Variants in DIPK1B observed in about 807,000 individuals in gnomAD.
DIPK1B encodes divergent protein kinase domain 1B, also known as family with sequence similarity 69 member B.
In DIPK1B, 17 loss-of-function variants were observed where a neutral mutation model predicts 20.7. The observed-to-expected ratio is 0.82, with a 90% CI of 0.56 to 1.23. DIPK1B has a LOEUF of 1.23. Among genes scored for constraint, DIPK1B ranks in the 50% most tolerant of loss-of-function variants. DIPK1B has a pLI of 0.00. For synonymous variants in DIPK1B, 343 were observed against 276.5 expected (o/e 1.24, Z -2.39); for missense variants, 648 against 601.8 (o/e 1.08, Z -0.80).
chr9:136,719,855 G>C (rs986633697), intron 2 of DIPK1B, among the ~76,000 whole-genome samples: 1 of 152,042 alleles, frequency 6.6e-6, no homozygotes, highest in South Asian at 2.1e-4. Context: ...GGGGCTCCGG[G>C]CACAGGGGCT....
intron 4 of DIPK1B, chr9:136,722,713 C>A: frequency 1.7e-6 from 1 of 593,220 alleles, no homozygotes; most frequent in Non-Finnish European, 3.0e-6. Flanking sequence ...CCCCGAGCTC[C>A]CCAGGTGCAC....
rs1172651042 is a variant in DIPK1B at position 136,721,956 on chromosome 9, C to CAGATCATCACACAG, written c.234_235insAGATCATCACACAG (p.Val79ArgfsTer40). The CAGATCATCACACAG allele has an allele frequency of 6.2e-7, 1 of 1,613,444 alleles. No homozygotes were observed. The highest frequency in any genetic ancestry group is 1.3e-5 in the African/African-American group (1 of 74,870). On this transcript the variant is annotated frameshift_variant, in exon 3 of 5. Coordinates refer to ENST00000371692, the MANE Select transcript of DIPK1B (RefSeq NM_152421.4). LOFTEE classifies it high-confidence loss of function. ...ACCGCAAGGGGATCATCTCGGGCTC[C>CAGATCATCACACAG]GTCTGCCAGGACCTGTGTGAGCTGC...
At chr9:136,719,072 C>T (rs2131043515) in intron 2 of DIPK1B, among the ~76,000 whole-genome samples, 1 of 151,262 alleles carries the variant, frequency 6.6e-6, no homozygotes, top group East Asian at 2.0e-4. Context: ...AGGCTGTGCC[C>T]CGATCAGATG....
chr9:136,717,558 G>A lies in DIPK1B; in HGVS notation c.64-19G>A, dbSNP rs372648021. On this transcript the variant is annotated intron_variant, in intron 1 of 4. Transcript: ENST00000371692. The stretch of plus-strand genomic sequence containing the variant: ...GGGTGCCCCGAGGGCACCTCCTCAC[G>A]CAGCCCCTTCCCCCACAGGGCCGGC... The A allele has an allele frequency of 2.3e-5, 36 of 1,594,948 alleles. No individual in the cohort carries two copies. The highest frequency in any genetic ancestry group is 6.7e-5 in the African/African-American group (5 of 74,852).
rs1441973447 is a variant in DIPK1B at position 136,721,987 on chromosome 9, G to C, written c.265G>C (p.Val89Leu). The C allele has an allele frequency of 2.5e-6, 4 of 1,613,648 alleles. No individual in the cohort carries two copies. The highest frequency in any genetic ancestry group is 1.7e-4 in the Middle Eastern group (1 of 6,038). ...CCAGGACCTGTGTGAGCTGCATATG[G>C]TGGAGTGGAGGACCTGCCTCTCGGT... ...VCQDLCELHM[V>L]EWRTCLSVAP... The change falls in exon 3 of 5, where the codon GTG becomes CTG. Residue 89 changes from valine to leucine, a missense_variant. Val to Leu is a conservative substitution (Grantham distance 32, BLOSUM62 1). Transcript: ENST00000371692.
chr9:136,719,664 C>T (rs1265165220), intron 2 of DIPK1B, among the ~76,000 whole-genome samples: 10 of 152,244 alleles, frequency 6.6e-5, no homozygotes, highest in Non-Finnish European at 1.5e-4. Flanking sequence ...CTGAGGAAGC[C>T]TCTCCACACT....
chr9:136,723,543 G>A lies in DIPK1B; in HGVS notation c.1065G>A (p.Arg355=), dbSNP rs1212591120. ...GGGCCCCGTGTGACAGGCTCATGAGGCAGTGCAAGGGCGACCTCATCCAGC... is the reference window on the plus strand; with the variant it reads ...GGGCCCCGTGTGACAGGCTCATGAGACAGTGCAAGGGCGACCTCATCCAGC... ...DCRAPCDRLM[R]QCKGDLIQPN... Residue 355 remains arginine (R), a synonymous_variant, in exon 5 of 5, where the codon AGG becomes AGA. Coordinates refer to ENST00000371692, the MANE Select transcript of DIPK1B (RefSeq NM_152421.4). 1 of 1,599,292 alleles carries A rather than the reference G, an allele frequency of 6.3e-7. No homozygotes were observed. The highest frequency in any genetic ancestry group is 1.7e-5 in the Admixed American group (1 of 57,758).
rs893780766 is a variant in DIPK1B at position 136,717,586 on chromosome 9, C to T, written c.73C>T (p.Pro25Ser). ...GCCCCTTCCCCCACAGGGCCGGCTC[C>T]CAGGCCTCAGGGTCCGCTGCATCTT... ...PFSKRLQGRLPGLRVRCIFLA... is the reference protein window; with the variant it reads ...PFSKRLQGRLSGLRVRCIFLA... The change falls in exon 2 of 5, where the codon CCA (proline) becomes TCA (serine). Residue 25 changes from proline (P) to serine (S), a missense_variant. Coordinates refer to ENST00000371692, the MANE Select transcript of DIPK1B (RefSeq NM_152421.4). 3.8e-6 allele frequency: 6 copies of T among 1,599,698 alleles called. No homozygotes were observed. The highest frequency in any genetic ancestry group is 5.1e-6 in the Non-Finnish European group (6 of 1,179,682).
At position 136,724,610 on chromosome 9, in the gene DIPK1B, T is replaced by G. The variant is rs1846674975; in HGVS notation, c.*836T>G. ...GACAATCCATTCCATTCAAGACCAA[T>G]TTACTCTCAAATTTTGCCAACACAG... On this transcript the variant is annotated 3_prime_UTR_variant, in exon 5 of 5. Coordinates refer to ENST00000371692, the MANE Select transcript of DIPK1B (RefSeq NM_152421.4). The G allele has an allele frequency of 6.6e-6, 1 of 152,202 alleles. No homozygotes were observed. Among genetic ancestry groups the G allele is most frequent in the African/African-American group, 2.4e-5 (1 of 41,444 alleles). The allele number at this position is 152,202 out of a possible 1,614,324, so 9.4% of individuals were successfully genotyped here.
At chr9:136,719,470 C>T (rs1214572747) in intron 2 of DIPK1B, among the ~76,000 whole-genome samples, 6 of 152,314 alleles carry the variant, frequency 3.9e-5, no homozygotes, top group South Asian at 2.1e-4. Flanking sequence ...GCTGGCCCAG[C>T]GCACACAACG....
intron 2 of DIPK1B, among the ~76,000 whole-genome samples, chr9:136,718,784 C>T (rs943401626): frequency 6.6e-6 from 1 of 152,220 alleles, no homozygotes; most frequent in African/African-American, 2.4e-5. Context: ...GTGGATGAAG[C>T]TAGCCGGGTG....
In DIPK1B at chr9:136,724,399, G is replaced by A. The variant is rs1190319274; in HGVS notation, c.*625G>A. 2.0e-5 allele frequency among the ~76,000 whole-genome samples: 3 copies of A among 152,170 alleles called. No homozygotes were observed. The highest frequency in any genetic ancestry group is 4.1e-4 in the South Asian group (2 of 4,828). ...ATTTTACAAAATCCAGCCATGAGAT[G>A]TACAACTCATTCCCTAGGAAACAGC... is the stretch of plus-strand genomic sequence containing the variant. On this transcript the variant is annotated 3_prime_UTR_variant, in exon 5 of 5. Coordinates refer to ENST00000371692, the MANE Select transcript of DIPK1B (RefSeq NM_152421.4).
chr9:136,720,419 AGCCTGCTTG>A (rs1369967015), intron 2 of DIPK1B, among the ~76,000 whole-genome samples: 2 of 151,994 alleles, frequency 1.3e-5, no homozygotes, highest in Non-Finnish European at 2.9e-5. Flanking sequence ...GCTCCCTCCA[AGCCTGCTTG>A]GCCAGGCTCC....
rs1277988493 is a variant in DIPK1B, at chr9:136,712,814, G to A, written c.63+86G>A. 2.0e-6 allele frequency: 2 copies of A among 998,046 alleles called. No individual in the cohort carries two copies. The highest frequency in any genetic ancestry group is 1.3e-6 in the Non-Finnish European group (1 of 777,322). The allele number at this position is 998,046 out of a possible 1,614,324, so 61.8% of individuals were successfully genotyped here. A position where few individuals can be genotyped will look rare whatever the true frequency, so the allele number is the denominator to read the frequency against. ...CCCCGGAGTGGGCCGAGTACGGAGC[G>A]GGGCCCCGGGTTCGGACACGAAGGG... On this transcript the variant is annotated intron_variant, in intron 1 of 4. Coordinates refer to ENST00000371692, the MANE Select transcript of DIPK1B (RefSeq NM_152421.4). The surrounding 1 kb of genome is among the most constrained non-coding windows in gnomAD (Gnocchi z 5.6).
chr9:136,717,911 G>C (rs1217275757), intron 2 of DIPK1B, among the ~76,000 whole-genome samples, 200 bp downstream of exon 2: 1 of 150,842 alleles, frequency 6.6e-6, no homozygotes, highest in Non-Finnish European at 1.5e-5. Context: ...GACGTGCGGG[G>C]CTGCCTCAGG....
At chr9:136,721,432 C>T (rs1406842563) in intron 2 of DIPK1B, 2 of 164,194 alleles carry the variant, frequency 1.2e-5, no homozygotes, top group South Asian at 1.6e-4. Context: ...ATCCTCCCTC[C>T]TGGCGTCACC....
chr9:136,719,728 C>T (rs147614991), intron 2 of DIPK1B, among the ~76,000 whole-genome samples: 1 of 152,218 alleles, frequency 6.6e-6, no homozygotes, highest in Non-Finnish European at 1.5e-5. Context: ...ATCTCCCCAC[C>T]CCTGGGGGAC....
intron 4 of DIPK1B, 127 bp downstream of exon 4, chr9:136,722,428 TCCCATCC>T: frequency 2.7e-6 from 3 of 1,102,326 alleles, no homozygotes; most frequent in Non-Finnish European, 3.8e-6. Flanking sequence ...TGGGCAGACC[TCCCATCC>T]CCCAGCCCCT....
At chr9:136,722,416 C>A in intron 4 of DIPK1B, 115 bp downstream of exon 4, 2 of 1,161,190 alleles carry the variant, frequency 1.7e-6, no homozygotes, top group South Asian at 1.5e-5. Flanking sequence ...CCAAGTGGAC[C>A]CTGGGCAGAC....
Sources: gnomAD v4.1 joint callset for allele counts (sites outside exome capture counted in the v4.1 genomes callset) on GRCh38, gnomAD v4.1.1 for gene constraint, Gnocchi (gnomAD v3.1) non-coding constraint, MANE v1.5 for transcripts, NCBI Gene and HGNC (gene_info 2026-07-23, HGNC 2026-07-21) for gene names.